ANKRD11: variants seen among roughly 807,000 people sequenced by gnomAD.
ANKRD11 encodes ankyrin repeat domain-containing protein 11.
In ANKRD11, 17 loss-of-function variants were observed where a neutral mutation model predicts 195.7. The observed-to-expected ratio is 0.09, with a 90% confidence interval of 0.06 to 0.13. The LOEUF is 0.13. Ranked by LOEUF, ANKRD11 falls within the 10% of genes least tolerant of loss-of-function variation. The pLI is 1.00. For missense variants in ANKRD11, 3,735 were observed against 3,566.1 expected (o/e 1.05, Z -1.21); for synonymous variants, 1,953 against 1,528.1 (o/e 1.28, Z -6.49).
chr16:89,480,812 A>G (rs1597547094), intron 1 of ANKRD11, among the ~76,000 whole-genome samples: 3 of 152,138 alleles, frequency 2.0e-5, no homozygotes, highest in Admixed American at 1.3e-4. Flanking sequence ...TGCCGAGCTG[A>G]GCAGAGCCAG....
At chr16:89,402,081 A>C (rs1289484389) in intron 2 of ANKRD11, among the ~76,000 whole-genome samples, 1 of 151,928 alleles carries the variant, frequency 6.6e-6, no homozygotes, top group African/African-American at 2.4e-5. Context: ...CCCCCACACC[A>C]AGTTTCACTC....
intron 2 of ANKRD11, among the ~76,000 whole-genome samples, chr16:89,319,194 C>G (rs996101137): frequency 6.6e-6 from 1 of 152,264 alleles, no homozygotes; most frequent in Non-Finnish European, 1.5e-5. Context: ...ACACACTCAA[C>G]AGCTCTGGCG....
Position 89,457,719 on chromosome 16 carries a change from C to T in ANKRD11, c.-145+32526G>A, listed in dbSNP as rs545832497. On this transcript the variant is annotated intron_variant, in intron 1 of 12. Transcript: ENST00000301030. Reference sequence around the variant, plus strand: ...GTTCTGGTTACAAATGGGCATTCTGCGGTGATGGAAATGTCTGTGTCAAGC... The same window carrying T: ...GTTCTGGTTACAAATGGGCATTCTGTGGTGATGGAAATGTCTGTGTCAAGC... 1.7e-3 allele frequency among the ~76,000 whole-genome samples: 260 copies of T among 152,110 alleles called. 1 individual carries two copies. Among genetic ancestry groups the T allele is most frequent in the African/African-American group, 5.1e-3 (212 of 41,478 alleles).
chr16:89,409,908 C>G (rs1326099300), intron 2 of ANKRD11, among the ~76,000 whole-genome samples: 3 of 152,052 alleles, frequency 2.0e-5, no homozygotes, highest in Non-Finnish European at 2.9e-5. Flanking sequence ...GGCACAATCT[C>G]AACTCACTGC....
At position 89,288,898 on chromosome 16, in the gene ANKRD11, C is replaced by T. The variant is rs140987139; in HGVS notation, c.602-228G>A. Reference sequence around the variant, plus strand: ...ATCCATATCTAGCTTATTAACCCTACGGACTGACAACCTGCAGGGCTAATC... The same window carrying T: ...ATCCATATCTAGCTTATTAACCCTATGGACTGACAACCTGCAGGGCTAATC... On this transcript the variant is annotated intron_variant, in intron 6 of 12. Transcript: ENST00000301030. The T allele has an allele frequency of 5.0e-4, 307 of 618,166 alleles. 2 individuals carry two copies. Among genetic ancestry groups the T allele is most frequent in the African/African-American group, 4.9e-3 (269 of 54,624 alleles). 38.3% of individuals were successfully genotyped at this position (618,166 alleles called of 1,614,324 possible).
chr16:89,373,369 A>G (rs1016025429), intron 2 of ANKRD11: 3 of 152,306 alleles, frequency 2.0e-5, no homozygotes, highest in African/African-American at 7.2e-5. Flanking sequence ...GATGCGCAGG[A>G]AGCTCAATTC....
At chr16:89,454,541 G>C (rs1199724953) in intron 1 of ANKRD11, among the ~76,000 whole-genome samples, 1 of 152,116 alleles carries the variant, frequency 6.6e-6, no homozygotes, top group South Asian at 2.1e-4. Flanking sequence ...CTTAAACCAA[G>C]CCACTATGAA....
chr16:89,394,103 C>G (rs935470640), intron 2 of ANKRD11, among the ~76,000 whole-genome samples: 5 of 152,188 alleles, frequency 3.3e-5, no homozygotes, highest in African/African-American at 1.2e-4. Context: ...CCACCCATCA[C>G]AGTCCCAGGT....
rs529609550 is a variant in ANKRD11, at chr16:89,427,907, C to G, written c.-144-9539G>C. 5.9e-5 allele frequency among the ~76,000 whole-genome samples: 9 copies of G among 151,936 alleles called. No homozygotes were observed. In the East Asian group the frequency reaches 1.7e-3, roughly 29 times the overall value. ...ACTGATTTGACAGTTTTTTTAAACT[C>G]TTTAGTTTGAAAGGTTTAAAATTCT... On this transcript the variant is annotated intron_variant, in intron 1 of 12. Coordinates refer to ENST00000301030, the MANE Select transcript of ANKRD11 (RefSeq NM_013275.6).
At chr16:89,327,772 A>G (rs1459428936) in intron 2 of ANKRD11, among the ~76,000 whole-genome samples, 2 of 152,256 alleles carry the variant, frequency 1.3e-5, no homozygotes, top group African/African-American at 4.8e-5. Flanking sequence ...GAACAAAACT[A>G]GAAAAACCTA....
chr16:89,418,139 A>G, intron 2 of ANKRD11, 145 bp downstream of exon 2: 1 of 390,932 alleles, frequency 2.6e-6, no homozygotes, highest in South Asian at 1.9e-5. Context: ...CTCTAAGTGA[A>G]ATCCAGAACA....
chr16:89,410,721 A>G (rs1256200207), intron 2 of ANKRD11, among the ~76,000 whole-genome samples: 1 of 152,260 alleles, frequency 6.6e-6, no homozygotes. Context: ...ACCAAAAGCT[A>G]TGAAAGCATC....
chr16:89,452,029 C>A (rs1363208898), intron 1 of ANKRD11, among the ~76,000 whole-genome samples: 3 of 152,068 alleles, frequency 2.0e-5, no homozygotes, highest in African/African-American at 7.2e-5. Flanking sequence ...GAGGCCGAGG[C>A]AGGTGGATCA....
At chr16:89,433,381 T>C (rs991749925) in intron 1 of ANKRD11, among the ~76,000 whole-genome samples, 2 of 152,234 alleles carry the variant, frequency 1.3e-5, no homozygotes, top group African/African-American at 4.8e-5. Flanking sequence ...TTCCACTTCC[T>C]GACAGCACAG....
intron 1 of ANKRD11, among the ~76,000 whole-genome samples, chr16:89,440,869 G>C (rs1014081412): frequency 1.3e-5 from 2 of 152,230 alleles, no homozygotes; most frequent in East Asian, 1.9e-4. Context: ...GTGTGAGTGC[G>C]CATGAATCCT....
intron 4 of ANKRD11, among the ~76,000 whole-genome samples, chr16:89,293,035 T>G (rs2151806052): frequency 6.6e-6 from 1 of 152,142 alleles, no homozygotes; most frequent in South Asian, 2.1e-4. Flanking sequence ...CCTCAAGTCC[T>G]CCTCTCTCCA....
chr16:89,389,074 G>T (rs111258579), intron 2 of ANKRD11, among the ~76,000 whole-genome samples: 1 of 152,178 alleles, frequency 6.6e-6, no homozygotes, highest in Non-Finnish European at 1.5e-5. Context: ...GACAGCAATG[G>T]ATTACAGTGC....
intron 2 of ANKRD11, among the ~76,000 whole-genome samples, chr16:89,330,894 C>G (rs761548830): frequency 6.6e-6 from 1 of 152,118 alleles, no homozygotes; most frequent in Non-Finnish European, 1.5e-5. Flanking sequence ...CTGTACAGTT[C>G]TAGTTAGTGC....
intron 1 of ANKRD11, among the ~76,000 whole-genome samples, chr16:89,420,875 C>T (rs1597353325): frequency 6.6e-6 from 1 of 152,226 alleles, no homozygotes; most frequent in Non-Finnish European, 1.5e-5. Flanking sequence ...TGAAAAAAAG[C>T]TTCATTTAGA....
Sources: gnomAD v4.1 joint callset for allele counts (sites outside exome capture counted in the v4.1 genomes callset) on GRCh38, gnomAD v4.1.1 for gene constraint, MANE v1.5 for transcripts, NCBI Gene and HGNC (gene_info 2026-07-23, HGNC 2026-07-21) for gene names.